MID1: variants seen among roughly 807,000 people sequenced by gnomAD.
The protein encoded by MID1 is E3 ubiquitin-protein ligase Midline-1.
MID1 carries 7 observed loss-of-function variants against 40.4 expected under a neutral mutation model. The observed-to-expected ratio is 0.17, with a 90% confidence interval of 0.10 to 0.33. The LOEUF (loss-of-function observed/expected upper bound fraction) is 0.33, where lower values mean the gene tolerates loss of function less well. MID1 is among the 10% of genes least tolerant of loss of function. The probability of loss-of-function intolerance (pLI) is 1.00; values close to 1 mark genes in which losing one functional copy is unlikely to be tolerated. For synonymous variants in MID1, 229 were observed against 221.2 expected (o/e 1.04, Z -0.31); for missense variants, 367 against 558.5 (o/e 0.66, Z 3.46).
intron 1 of MID1, among the ~76,000 whole-genome samples, chrX:10,660,682 C>T (rs2042905122): frequency 8.9e-6 from 1 of 111,941 alleles, no homozygotes; most frequent in Non-Finnish European, 1.9e-5. Flanking sequence ...AATATTTCAA[C>T]TTTCTATCAG....
intron 5 of MID1, among the ~76,000 whole-genome samples, 186 bp downstream of exon 5, chrX:10,482,294 T>C (rs1330139832): frequency 8.9e-6 from 1 of 111,869 alleles, no homozygotes; most frequent in East Asian, 2.8e-4. Flanking sequence ...AGGCTGTTAC[T>C]GAAAGGGCTT....
At chrX:10,743,593 T>C (rs1202135715) in intron 1 of MID1, among the ~76,000 whole-genome samples, 1 of 111,870 alleles carries the variant, frequency 8.9e-6, no homozygotes, top group Non-Finnish European at 1.9e-5. Flanking sequence ...CTTGGGAAGC[T>C]TCCTCTAAAA....
At chrX:10,610,227 G>A (rs1264131835) in intron 1 of MID1, among the ~76,000 whole-genome samples, 2 of 112,117 alleles carry the variant, frequency 1.8e-5, no homozygotes, top group Non-Finnish European at 3.8e-5. Context: ...CTCTCACACA[G>A]GCTGGTTAGA....
rs749573762 is a variant in MID1, at chrX:10,584,970, C to T, written c.-56-17367G>A. Among the ~76,000 whole-genome samples, 29 of 110,957 alleles carry T rather than the reference C, an allele frequency of 2.6e-4. No homozygotes were observed. In the South Asian group the frequency reaches 3.5e-3, roughly 13 times the overall value. ...GGTGGGGGGGTCCACGTGAGAGGGT[C>T]ATGATCAATTGAGCAAGCAGGGGGT... On this transcript the variant is annotated intron_variant, in intron 1 of 9. Transcript: ENST00000317552.
intron 6 of MID1, among the ~76,000 whole-genome samples, 194 bp downstream of exon 6, chrX:10,474,429 C>T (rs1394313505): frequency 1.8e-5 from 2 of 111,358 alleles, no homozygotes; most frequent in African/African-American, 6.5e-5. Context: ...TTCTCCTGTC[C>T]CCAGTTTAGT....
At chrX:10,714,750 G>T (rs1361821748) in intron 1 of MID1, among the ~76,000 whole-genome samples, 1 of 111,769 alleles carries the variant, frequency 8.9e-6, no homozygotes, top group Non-Finnish European at 1.9e-5. Context: ...GCAACGTCTG[G>T]TAGGGCTTGA....
At chrX:10,666,890 T>C (rs1253288505) in intron 1 of MID1, among the ~76,000 whole-genome samples, 4 of 111,708 alleles carry the variant, frequency 3.6e-5, no homozygotes, top group Non-Finnish European at 7.5e-5. Context: ...ATATGGGGGA[T>C]TTCATTTAGG....
chrX:10,623,619 G>A (rs1375880077), upstream of MID1, among the ~76,000 whole-genome samples: 1 of 111,933 alleles, frequency 8.9e-6, no homozygotes, highest in South Asian at 3.8e-4. Flanking sequence ...TTGCTGTGGC[G>A]CCCTTGGACG....
At chrX:10,579,804 T>G (rs1934962365) in intron 1 of MID1, among the ~76,000 whole-genome samples, 1 of 109,971 alleles carries the variant, frequency 9.1e-6, no homozygotes, top group African/African-American at 3.3e-5. Context: ...TTTTTTTTTT[T>G]TTTTTAAAGG....
At chrX:10,722,712 T>C (rs2043365034) in intron 1 of MID1, among the ~76,000 whole-genome samples, 1 of 111,832 alleles carries the variant, frequency 8.9e-6, no homozygotes. Flanking sequence ...GACGAGGCCA[T>C]CAGAAACCCA....
chrX:10,628,084 T>A (rs1936013680), intron 1 of MID1, among the ~76,000 whole-genome samples: 1 of 111,471 alleles, frequency 9.0e-6, no homozygotes, highest in African/African-American at 3.3e-5. Flanking sequence ...GGTGTGTGTT[T>A]TTTTTTAACA....
intron 1 of MID1, among the ~76,000 whole-genome samples, chrX:10,716,430 A>C (rs1371954295): frequency 8.9e-6 from 1 of 112,122 alleles, no homozygotes; most frequent in Non-Finnish European, 1.9e-5. Flanking sequence ...GATCAACTGG[A>C]AGAAAGGGTA....
intron 1 of MID1, among the ~76,000 whole-genome samples, chrX:10,655,857 T>G (rs756653720): frequency 9.1e-6 from 1 of 110,172 alleles, no homozygotes; most frequent in African/African-American, 3.3e-5. Context: ...TCAGCTGGTG[T>G]TTTCTAGATC....
At chrX:10,621,599 A>G (rs746302363), upstream of MID1, among the ~76,000 whole-genome samples, 1 of 110,770 alleles carries the variant, frequency 9.0e-6, no homozygotes, top group African/African-American at 3.3e-5. Flanking sequence ...GTATCAGAGG[A>G]AAAAAAATTA....
chrX:10,549,822 T>C (rs1169356927), intron 2 of MID1, among the ~76,000 whole-genome samples: 1 of 112,692 alleles, frequency 8.9e-6, no homozygotes, highest in East Asian at 2.8e-4. Flanking sequence ...GGACTAGATA[T>C]GCGTGATGGC....
At chrX:10,726,782 C>T (rs943583578) in intron 1 of MID1, among the ~76,000 whole-genome samples, 5 of 112,609 alleles carry the variant, frequency 4.4e-5, no homozygotes, top group African/African-American at 1.3e-4. Flanking sequence ...TCTGGCAACT[C>T]GCTGACCCAC....
At chrX:10,817,514 C>CTCTTTCTT (rs57062100) in intron 1 of MID1, among the ~76,000 whole-genome samples, 5,936 of 80,364 alleles carry the variant, frequency 0.074, 257 homozygotes, top group East Asian at 0.11. Context: ...TTCTTTTTTT[C>CTCTTTCTT]TCTTTCTTTC....
chrX:10,590,581 G>A (rs756926996), intron 1 of MID1, among the ~76,000 whole-genome samples: 16 of 111,644 alleles, frequency 1.4e-4, no homozygotes, highest in Non-Finnish European at 2.3e-4. Flanking sequence ...TTTATTTGGA[G>A]ACTTGAGAAT....
At position 10,589,284 on chromosome X, in the gene MID1, C is replaced by CACTCAAATGGAGTAGGCAAGTTCCT. The variant is rs1339001678; in HGVS notation, c.-56-21706_-56-21682dup. Among the ~76,000 whole-genome samples, 9 of 111,802 alleles carry CACTCAAATGGAGTAGGCAAGTTCCT rather than the reference C, an allele frequency of 8.0e-5. No individual in the cohort carries two copies. In the East Asian group the frequency reaches 1.7e-3, roughly 21 times the overall value. ...ACCGTGGGTGATCAGGCCATGCTTC[C>CACTCAAATGGAGTAGGCAAGTTCCT]ACTCAAATGGAGTAGGCAAGTTCCT... is the stretch of plus-strand genomic sequence containing the variant. On this transcript the variant is annotated intron_variant, in intron 1 of 9. Transcript: ENST00000317552.
Sources: allele counts gnomAD v4.1 joint callset (sites outside exome capture counted in the v4.1 genomes callset), GRCh38; gene constraint gnomAD v4.1.1; transcripts MANE v1.5; gene names NCBI Gene and HGNC (gene_info 2026-07-23, HGNC 2026-07-21).